Variants in RAPGEF1 observed in about 807,000 individuals in gnomAD.
RAPGEF1 encodes CRK SH3-binding GNRP.
A neutral mutation model predicts 143.3 loss-of-function variants in RAPGEF1; 33 were observed. The observed-to-expected ratio is 0.23, with a 90% confidence interval of 0.17 to 0.31. RAPGEF1 has a LOEUF of 0.31. Among genes scored for constraint, RAPGEF1 ranks in the 10% least tolerant of loss-of-function variants. The probability of loss-of-function intolerance (pLI) is 1.00; values close to 1 mark genes in which losing one functional copy is unlikely to be tolerated. For missense variants in RAPGEF1, 1,199 were observed against 1,645.4 expected (o/e 0.73, Z 4.69); for synonymous variants, 629 against 676.5 (o/e 0.93, Z 1.09).
At chr9:131,699,458 G>C (rs977449192) in intron 1 of RAPGEF1, among the ~76,000 whole-genome samples, 13 of 152,092 alleles carry the variant, frequency 8.5e-5, no homozygotes, top group African/African-American at 3.1e-4. Flanking sequence ...TGGTCAAGCT[G>C]GTCTCAAACT....
intron 5 of RAPGEF1, among the ~76,000 whole-genome samples, chr9:131,637,148 C>G (rs1408164222): frequency 6.6e-6 from 1 of 151,836 alleles, no homozygotes; most frequent in Non-Finnish European, 1.5e-5. Flanking sequence ...TCACTTGAAC[C>G]CAGGAGGCAG....
intron 11 of RAPGEF1, among the ~76,000 whole-genome samples, chr9:131,619,763 C>T (rs537079413): frequency 3.7e-4 from 56 of 152,282 alleles, no homozygotes; most frequent in African/African-American, 1.3e-3. Flanking sequence ...ATATTGCTTA[C>T]CACACTGTAC....
intron 1 of RAPGEF1, chr9:131,709,890 G>A: frequency 1.0e-6 from 1 of 985,400 alleles, no homozygotes; most frequent in Non-Finnish European, 1.2e-6. Flanking sequence ...TTGGCCCCAG[G>A]GAGGAAATCA....
chr9:131,618,793 C>CTG (rs1959700930), intron 12 of RAPGEF1, among the ~76,000 whole-genome samples: 2 of 152,334 alleles, frequency 1.3e-5, no homozygotes, highest in South Asian at 4.1e-4. Flanking sequence ...TAAAATGTCT[C>CTG]TGTCAGTTTA....
intron 1 of RAPGEF1, among the ~76,000 whole-genome samples, chr9:131,657,087 G>C (rs1324666326): frequency 6.6e-6 from 1 of 152,228 alleles, no homozygotes; most frequent in Non-Finnish European, 1.5e-5. Flanking sequence ...AGCAGCACAG[G>C]CTTCAGGTGA....
intron 1 of RAPGEF1, among the ~76,000 whole-genome samples, chr9:131,674,741 GAAGGA>G (rs1298950005): frequency 6.6e-6 from 1 of 152,210 alleles, no homozygotes; most frequent in East Asian, 1.9e-4. Context: ...GGGATCCCTA[GAAGGA>G]AAGTCCAATC....
intron 1 of RAPGEF1, among the ~76,000 whole-genome samples, chr9:131,659,064 C>T (rs182727549): frequency 1.1e-4 from 16 of 152,316 alleles, no homozygotes; most frequent in Middle Eastern, 6.8e-3. Flanking sequence ...TTCCTCATTC[C>T]CTGTCTTCTA....
intron 1 of RAPGEF1, among the ~76,000 whole-genome samples, chr9:131,714,453 G>T (rs1471459329): frequency 1.3e-5 from 2 of 151,946 alleles, no homozygotes; most frequent in Non-Finnish European, 2.9e-5. Context: ...GTACCCGGTA[G>T]CTCACACAAA....
rs764546297 is a variant in RAPGEF1, at chr9:131,590,018, AG to A, written c.2775-41del. On this transcript the variant is annotated intron_variant, in intron 18 of 26. Transcript: ENST00000683357. Reference sequence around the variant, plus strand: ...AAAGAAATAGCCATGTGGTCGGCTGAGGGTGGTGGAGTGGAGGACTGACTCC... The same window carrying A: ...AAAGAAATAGCCATGTGGTCGGCTGAGGTGGTGGAGTGGAGGACTGACTCC... 5 of 1,568,976 alleles carry A rather than the reference AG, an allele frequency of 3.2e-6. No individual in the cohort carries two copies. The East Asian group carries it at 1.1e-4, about 35-fold the overall frequency.
In RAPGEF1 at chr9:131,584,431, T is replaced by C; in HGVS notation, c.3313-19A>G. 1 of 1,613,250 alleles carries C rather than the reference T, an allele frequency of 6.2e-7. No homozygotes were observed. Among genetic ancestry groups the C allele is most frequent in the Non-Finnish European group, 8.5e-7 (1 of 1,179,492 alleles). On this transcript the variant is annotated intron_variant, in intron 23 of 26. Coordinates refer to ENST00000683357, the MANE Select transcript of RAPGEF1 (RefSeq NM_001377935.1). This position sits in a 1 kb window ranked among gnomAD's most constrained non-coding sequence, Gnocchi z 6.8. ...GCAAGTGCTGCCGAGAGAGGGGCGG[T>C]GCCGTGAGGCAGGAGGGCAGGCGGG...
intron 1 of RAPGEF1, among the ~76,000 whole-genome samples, chr9:131,698,690 C>T (rs1034805537): frequency 3.3e-5 from 5 of 152,210 alleles, no homozygotes; most frequent in South Asian, 2.1e-4. Flanking sequence ...GGTAACTGTG[C>T]GGCTTCTGAC....
intron 1 of RAPGEF1, among the ~76,000 whole-genome samples, chr9:131,660,054 G>A (rs976132154): frequency 2.0e-5 from 3 of 152,156 alleles, no homozygotes; most frequent in South Asian, 2.1e-4. Flanking sequence ...TCCTGACTCC[G>A]TGATCCGCCC....
chr9:131,577,715 T>C lies in RAPGEF1; in HGVS notation c.*1782A>G, dbSNP rs1393455555. On this transcript the variant is annotated 3_prime_UTR_variant, in exon 27 of 27. Transcript: ENST00000683357. ...AACTAAAAACCCAACCCACACACAA[T>C]ACTGTTAATAAGCCAGCGACTCTAC... 1 of 151,872 alleles carries C rather than the reference T, an allele frequency of 6.6e-6. No homozygotes were observed. The highest frequency in any genetic ancestry group is 1.5e-5 in the Non-Finnish European group (1 of 67,990). The allele number at this position is 151,872 out of a possible 1,614,324, so 9.4% of individuals were successfully genotyped here.
chr9:131,684,489 G>A (rs189029074), intron 1 of RAPGEF1, among the ~76,000 whole-genome samples: 42 of 152,326 alleles, frequency 2.8e-4, no homozygotes, highest in African/African-American at 1.0e-3. Context: ...ATAGTGGAAA[G>A]AATGAATCTT....
At chr9:131,624,919 T>C (rs1034062692) in intron 10 of RAPGEF1, among the ~76,000 whole-genome samples, 40 of 152,366 alleles carry the variant, frequency 2.6e-4, no homozygotes, top group African/African-American at 8.7e-4. Flanking sequence ...ATACATGACA[T>C]CATCGCAGCC....
chr9:131,612,479 G>A (rs772453083), intron 12 of RAPGEF1, among the ~76,000 whole-genome samples: 59 of 152,216 alleles, frequency 3.9e-4, no homozygotes, highest in Non-Finnish European at 7.6e-4. Flanking sequence ...TCTCAGCTCT[G>A]TTCCTGCTGT....
intron 1 of RAPGEF1, among the ~76,000 whole-genome samples, chr9:131,660,546 G>C (rs1973768144): frequency 1.3e-5 from 2 of 151,980 alleles, no homozygotes; most frequent in African/African-American, 4.8e-5. Flanking sequence ...TATTTATGCA[G>C]TCAGGCCCCC....
chr9:131,704,967 A>G (rs991695506), intron 1 of RAPGEF1, among the ~76,000 whole-genome samples: 2 of 152,236 alleles, frequency 1.3e-5, no homozygotes, highest in African/African-American at 4.8e-5. Context: ...TTTGCAACTG[A>G]ACAATCATCA....
chr9:131,656,016 G>C (rs897558619), intron 1 of RAPGEF1, among the ~76,000 whole-genome samples: 6 of 152,132 alleles, frequency 3.9e-5, no homozygotes, highest in African/African-American at 9.7e-5. Flanking sequence ...TATTTCTTGA[G>C]ATGGCTGATG....
Sources: gnomAD v4.1 joint callset for allele counts (sites outside exome capture counted in the v4.1 genomes callset) on GRCh38, gnomAD v4.1.1 for gene constraint, Gnocchi (gnomAD v3.1) non-coding constraint, MANE v1.5 for transcripts, NCBI Gene and HGNC (gene_info 2026-07-23, HGNC 2026-07-21) for gene names.